The following TMTC1 variants were observed in gnomAD, a reference collection of about 807,000 sequenced individuals.
TMTC1 encodes the protein transmembrane O-mannosyltransferase targeting cadherins 1.
In TMTC1, 73 loss-of-function variants were observed where a neutral mutation model predicts 104.8. That is an observed-to-expected ratio of 0.70 (90% CI 0.58 to 0.85). The LOEUF (loss-of-function observed/expected upper bound fraction) is 0.85. Ranked by LOEUF, TMTC1 falls within the 40% of genes least tolerant of loss-of-function variation. The probability of loss-of-function intolerance (pLI) is 0.00; values close to 1 mark genes in which losing one functional copy is unlikely to be tolerated. For missense variants in TMTC1, 1,035 were observed against 1,096.1 expected (o/e 0.94, Z 0.79); for synonymous variants, 434 against 428.7 (o/e 1.01, Z -0.15).
At chr12:29,702,873 G>A (rs764966572) in intron 5 of TMTC1, among the ~76,000 whole-genome samples, 4 of 152,136 alleles carry the variant, frequency 2.6e-5, no homozygotes, top group Non-Finnish European at 5.9e-5. Context: ...GGCCAGGCAC[G>A]GTGGCTCATG....
Position 29,783,336 on chromosome 12 carries a change from G to T in TMTC1, c.302+114C>A. The T allele has an allele frequency of 2.1e-6, 2 of 966,544 alleles. No homozygotes were observed. The highest frequency in any genetic ancestry group is 4.4e-5 in the South Asian group (1 of 22,736). 59.9% of individuals were successfully genotyped at this position (966,544 alleles called of 1,614,324 possible). A position where few individuals can be genotyped will look rare whatever the true frequency, so the allele number is the denominator to read the frequency against. ...CCTGGAGAGGAGGGAGGCGTGGAGG[G>T]AAAGGGCGGCAAAAATGAAATGCCC... On this transcript the variant is annotated intron_variant, in intron 1 of 17. Transcript: ENST00000539277. The surrounding 1 kb of genome is among the most constrained non-coding windows in gnomAD (Gnocchi z 4.7).
At chr12:29,766,687 C>T (rs375239881) in intron 2 of TMTC1, among the ~76,000 whole-genome samples, 57 of 152,092 alleles carry the variant, frequency 3.7e-4, no homozygotes, top group African/African-American at 1.3e-3. Context: ...GAGAAGGAAA[C>T]CACCATGACA....
At position 29,506,610 on chromosome 12, in the gene TMTC1, G is replaced by A. The variant is rs12581552; in HGVS notation, c.*236C>T. ...ACAAAAATCTGTAAAATGTGTAAAT[G>A]TCATTCTCCTTCCCTCTCAGACCTT... On this transcript the variant is annotated 3_prime_UTR_variant, in exon 18 of 18. Transcript: ENST00000539277. 61,137 of 500,846 alleles carry A rather than the reference G, an allele frequency of 0.12. 4,418 individuals are homozygous for A. Among genetic ancestry groups the A allele is most frequent in the East Asian group, 0.15 (4,420 of 29,636 alleles). The allele number at this position is 500,846 out of a possible 1,614,324, so 31.0% of individuals were successfully genotyped here.
rs546108599 is a variant in TMTC1, at chr12:29,539,849, A to C, written c.1677-3532T>G. Among the ~76,000 whole-genome samples the C allele has an allele frequency of 5.9e-5, 9 of 152,274 alleles. No individual in the cohort carries two copies. In the East Asian group the frequency reaches 1.2e-3, roughly 20 times the overall value. On this transcript the variant is annotated intron_variant, in intron 10 of 17. Transcript: ENST00000539277. ...GCTTTCATGATTTGCCCTGCTCCTA[A>C]GCAAAAACAAGGGACTAGCCCTAGG...
chr12:29,724,748 C>G (rs980116792), intron 5 of TMTC1, among the ~76,000 whole-genome samples: 2 of 151,986 alleles, frequency 1.3e-5, no homozygotes, highest in African/African-American at 2.4e-5. Flanking sequence ...GAAAAATAAA[C>G]ACAAAATTCA....
chr12:29,611,875 C>A (rs536380387), intron 6 of TMTC1, among the ~76,000 whole-genome samples: 1 of 152,288 alleles, frequency 6.6e-6, no homozygotes, highest in East Asian at 1.9e-4. Flanking sequence ...AAACAAATAT[C>A]TTTCAAGCAC....
At chr12:29,541,290 A>AC (rs1464020716) in intron 10 of TMTC1, among the ~76,000 whole-genome samples, 1 of 152,162 alleles carries the variant, frequency 6.6e-6, no homozygotes, top group African/African-American at 2.4e-5. Context: ...CCGCCTATCC[A>AC]CCTTACCACT....
At chr12:29,527,505 AATGCCC>A (rs1944382847) in intron 11 of TMTC1, among the ~76,000 whole-genome samples, 2 of 152,222 alleles carry the variant, frequency 1.3e-5, no homozygotes. Context: ...TCATGATCCA[AATGCCC>A]AAGGGCATTG....
chr12:29,724,969 G>T (rs530116065), intron 5 of TMTC1, among the ~76,000 whole-genome samples: 1 of 145,726 alleles, frequency 6.9e-6, no homozygotes, highest in Admixed American at 6.9e-5. Flanking sequence ...TATTACAAAT[G>T]ATAACCAAAA....
chr12:29,621,224 A>G (rs78174101), intron 6 of TMTC1, among the ~76,000 whole-genome samples: 1,894 of 152,352 alleles, frequency 0.012, 32 homozygotes, highest in African/African-American at 0.044. Flanking sequence ...TTATTTTACC[A>G]TTCAGTATAT....
intron 5 of TMTC1, among the ~76,000 whole-genome samples, chr12:29,696,559 C>A (rs936784273): frequency 1.3e-5 from 2 of 152,110 alleles, no homozygotes; most frequent in African/African-American, 4.8e-5. Flanking sequence ...TTTGAGGCAA[C>A]ATTAACAATA....
chr12:29,513,137 G>A (rs910523661), intron 16 of TMTC1, among the ~76,000 whole-genome samples: 4 of 152,104 alleles, frequency 2.6e-5, no homozygotes, highest in South Asian at 2.1e-4. Context: ...CCCTGACACC[G>A]TCTCTTACCC....
At chr12:29,684,971 C>T (rs1379587798) in intron 5 of TMTC1, among the ~76,000 whole-genome samples, 1 of 152,028 alleles carries the variant, frequency 6.6e-6, no homozygotes, top group Non-Finnish European at 1.5e-5. Context: ...CCTTTTTTCC[C>T]TTTCTATTTC....
chr12:29,760,798 T>C (rs1375716436), intron 2 of TMTC1, among the ~76,000 whole-genome samples: 1 of 150,558 alleles, frequency 6.6e-6, no homozygotes, highest in East Asian at 1.9e-4. Flanking sequence ...TAATTTATTC[T>C]AATGTATATT....
intron 5 of TMTC1, among the ~76,000 whole-genome samples, chr12:29,663,705 C>G (rs1447592505): frequency 8.4e-6 from 1 of 118,372 alleles, no homozygotes; most frequent in Non-Finnish European, 1.9e-5. Flanking sequence ...TTAGTAGAGA[C>G]AGGGTTTCGC....
chr12:29,548,152 G>A lies in TMTC1; in HGVS notation c.1676+8705C>T, dbSNP rs532930911. ...CTGGGGCATGCTGAAGTTGTGGACT[G>A]GAGAGAATTTGAAGACCTAAGAGAG... On this transcript the variant is annotated intron_variant, in intron 10 of 17. Coordinates refer to ENST00000539277, the MANE Select transcript of TMTC1 (RefSeq NM_001193451.2). Among the ~76,000 whole-genome samples, 11 of 152,268 alleles carry A rather than the reference G, an allele frequency of 7.2e-5. No individual in the cohort carries two copies. The South Asian group carries it at 1.9e-3, about 26-fold the overall frequency.
At chr12:29,537,520 A>G (rs996224772) in intron 10 of TMTC1, among the ~76,000 whole-genome samples, 4 of 152,114 alleles carry the variant, frequency 2.6e-5, no homozygotes, top group African/African-American at 9.7e-5. Flanking sequence ...TTAGGAATCC[A>G]CCCCTAATGA....
intron 6 of TMTC1, among the ~76,000 whole-genome samples, chr12:29,616,633 C>T (rs1403597867): frequency 1.4e-5 from 2 of 144,110 alleles, no homozygotes; most frequent in African/African-American, 5.2e-5. Flanking sequence ...ATGTCATTTG[C>T]ACTCCAGCCT....
At chr12:29,669,769 C>T (rs1033626781) in intron 5 of TMTC1, among the ~76,000 whole-genome samples, 5 of 152,072 alleles carry the variant, frequency 3.3e-5, no homozygotes, top group African/African-American at 7.2e-5. Context: ...AAATAAACTC[C>T]CTTTAGAAGA....
Sources: gnomAD v4.1 joint callset for allele counts (sites outside exome capture counted in the v4.1 genomes callset) on GRCh38, gnomAD v4.1.1 for gene constraint, Gnocchi (gnomAD v3.1) non-coding constraint, MANE v1.5 for transcripts, NCBI Gene and HGNC (gene_info 2026-07-23, HGNC 2026-07-21) for gene names.